SNAP29: variants seen among roughly 807,000 people sequenced by gnomAD.
SNAP29 encodes the protein synaptosomal-associated protein 29.
SNAP29 carries 13 observed loss-of-function variants against 27.9 expected under a neutral mutation model. That is an observed-to-expected ratio of 0.47 (90% CI 0.30 to 0.74). The LOEUF (loss-of-function observed/expected upper bound fraction) is 0.74. SNAP29 is among the 30% of genes least tolerant of loss of function. SNAP29 has a pLI of 0.06. For missense variants in SNAP29, 368 were observed against 336.5 expected (o/e 1.09, Z -0.73); for synonymous variants, 119 against 127.1 (o/e 0.94, Z 0.43).
rs362036 is a variant in SNAP29, at chr22:20,873,964, CAAAAAAAAAAAAAAA to C, written c.434+3446_434+3460del. Among the ~76,000 whole-genome samples, 22 of 25,978 alleles carry C rather than the reference CAAAAAAAAAAAAAAA, an allele frequency of 8.5e-4. No homozygotes were observed. The South Asian group carries it at 0.032, about 38-fold the overall frequency. 17.0% of individuals were successfully genotyped at this position (25,978 alleles called of 152,430 possible). ...CCTGGGTAACAGTGAGACTCTGTCTCAAAAAAAAAAAAAAAAAAAAAAAAAAAAAGGCCGGGCATG... is the reference window on the plus strand; with the variant it reads ...CCTGGGTAACAGTGAGACTCTGTCTCAAAAAAAAAAAAAAGGCCGGGCATG... On this transcript the variant is annotated intron_variant, in intron 2 of 4. Coordinates refer to ENST00000215730, the MANE Select transcript of SNAP29 (RefSeq NM_004782.4).
intron 1 of SNAP29, among the ~76,000 whole-genome samples, chr22:20,863,615 G>A (rs1928386018): frequency 6.6e-6 from 1 of 152,110 alleles, no homozygotes; most frequent in South Asian, 2.1e-4. Flanking sequence ...AGAACTACAG[G>A]GAGACTTGTA....
intron 1 of SNAP29, chr22:20,859,607 C>T (rs1928185274): frequency 1.8e-6 from 1 of 540,744 alleles, no homozygotes; most frequent in African/African-American, 1.9e-5. Flanking sequence ...TTACGCCTAG[C>T]TCACGGGGAA....
At chr22:20,870,010 C>G (rs561694601) in intron 1 of SNAP29, among the ~76,000 whole-genome samples, 32 of 152,098 alleles carry the variant, frequency 2.1e-4, no homozygotes, top group Non-Finnish European at 3.8e-4. Context: ...ACCTCATGAT[C>G]TGCCCGCCTC....
chr22:20,875,682 CAG>C (rs981972099), intron 2 of SNAP29, among the ~76,000 whole-genome samples: 1 of 152,208 alleles, frequency 6.6e-6, no homozygotes, highest in Non-Finnish European at 1.5e-5. Flanking sequence ...GGGCCAGACA[CAG>C]TGGCTCATGC....
chr22:20,877,156 G>T (rs1928766976), intron 2 of SNAP29, among the ~76,000 whole-genome samples: 1 of 152,180 alleles, frequency 6.6e-6, no homozygotes, highest in Non-Finnish European at 1.5e-5. Flanking sequence ...GAGCGTGGTG[G>T]CTCACGCCTA....
chr22:20,875,406 G>A (rs1158329161), intron 2 of SNAP29, among the ~76,000 whole-genome samples: 1 of 152,208 alleles, frequency 6.6e-6, no homozygotes, highest in East Asian at 1.9e-4. Flanking sequence ...GCAGTTCTGT[G>A]GGAGCAGAAG....
chr22:20,870,485 A>G lies in SNAP29; in HGVS notation c.386A>G (p.Glu129Gly). Residue 129 changes from glutamate to glycine, a missense_variant, in exon 2 of 5, where the codon GAG (glutamate) becomes GGG (glycine). Transcript: ENST00000215730. ...AATTACTTCAAATCCAAACCAGTAG[A>G]GACCCCACCTGAACAGAATGGCACC... Reference protein sequence around the residue: ...LVNYFKSKPVETPPEQNGTLT... With the variant: ...LVNYFKSKPVGTPPEQNGTLT... 6.2e-7 allele frequency: 1 copy of G among 1,614,198 alleles called. No individual in the cohort carries two copies. The highest frequency in any genetic ancestry group is 1.3e-5 in the African/African-American group (1 of 75,032).
chr22:20,876,035 C>G (rs1176375525), intron 2 of SNAP29, among the ~76,000 whole-genome samples: 5 of 151,716 alleles, frequency 3.3e-5, no homozygotes, highest in Non-Finnish European at 7.4e-5. Context: ...ATGGTGGGCA[C>G]CTGTAGTCCC....
At chr22:20,884,976 T>C (rs1601655505) in intron 4 of SNAP29, among the ~76,000 whole-genome samples, 1 of 152,124 alleles carries the variant, frequency 6.6e-6, no homozygotes, top group East Asian at 1.9e-4. Context: ...GGTTTCTCCT[T>C]GTTGGTCAGG....
rs575240461 is a variant in SNAP29 at position 20,888,311 on chromosome 22, T to TCACACA, written c.*515_*520dup. On this transcript the variant is annotated 3_prime_UTR_variant, in exon 5 of 5. Transcript: ENST00000215730. ...CACACCTTTGTTTAGGAGTCATCAT[T>TCACACA]CACACACACACACACACACACACAC... 3.6e-3 allele frequency: 622 copies of TCACACA among 174,630 alleles called. 4 individuals carry two copies. The highest frequency in any genetic ancestry group is 0.014 in the African/African-American group (406 of 29,822). The allele number at this position is 174,630 out of a possible 1,614,324, so 10.8% of individuals were successfully genotyped here. A position where few individuals can be genotyped will look rare whatever the true frequency, so the allele number is the denominator to read the frequency against.
intron 1 of SNAP29, among the ~76,000 whole-genome samples, chr22:20,864,898 A>G (rs1206612079): frequency 2.0e-5 from 3 of 152,224 alleles, no homozygotes; most frequent in South Asian, 2.1e-4. Flanking sequence ...CTTGGTTGCA[A>G]TGCCTGTCCT....
intron 2 of SNAP29, chr22:20,870,781 G>A: frequency 1.7e-6 from 1 of 575,240 alleles, no homozygotes; most frequent in Non-Finnish European, 3.1e-6. Context: ...CTTTGAAAGA[G>A]AGGGTGTTCA....
In SNAP29 at chr22:20,875,670, C is replaced by T. The variant is rs189886874; in HGVS notation, c.434+5137C>T. Reference sequence around the variant, plus strand: ...GTTGTTGGCCATTTCAAGGGCCCAGCAGGGCCAGACACAGTGGCTCATGCC... The same window carrying T: ...GTTGTTGGCCATTTCAAGGGCCCAGTAGGGCCAGACACAGTGGCTCATGCC... On this transcript the variant is annotated intron_variant, in intron 2 of 4. Coordinates refer to ENST00000215730, the MANE Select transcript of SNAP29 (RefSeq NM_004782.4). Among the ~76,000 whole-genome samples the T allele has an allele frequency of 3.6e-3, 546 of 152,324 alleles. 3 individuals carry two copies. The highest frequency in any genetic ancestry group is 6.8e-3 in the Middle Eastern group (2 of 294).
chr22:20,872,563 G>C (rs1928619901), intron 2 of SNAP29, among the ~76,000 whole-genome samples: 1 of 152,078 alleles, frequency 6.6e-6, no homozygotes, highest in South Asian at 2.1e-4. Flanking sequence ...ACCATGCCTG[G>C]CTAATTTTTT....
intron 1 of SNAP29, among the ~76,000 whole-genome samples, chr22:20,864,304 G>A (rs116939513): frequency 6.0e-4 from 91 of 152,244 alleles, no homozygotes; most frequent in Non-Finnish European, 1.1e-3. Context: ...AGCAGCCACC[G>A]CCAGCACATC....
chr22:20,870,593 A>T (rs1928568555), intron 2 of SNAP29, 60 bp downstream of exon 2: 19 of 1,501,680 alleles, frequency 1.3e-5, no homozygotes, highest in Non-Finnish European at 1.7e-5. Context: ...AGTGCAAATG[A>T]CCAAGACTTT....
chr22:20,875,119 A>G (rs1928708687), intron 2 of SNAP29, among the ~76,000 whole-genome samples: 1 of 152,084 alleles, frequency 6.6e-6, no homozygotes, highest in Non-Finnish European at 1.5e-5. Flanking sequence ...TTGGAGCATC[A>G]TGAAAACTCA....
intron 2 of SNAP29, among the ~76,000 whole-genome samples, chr22:20,874,386 CACACACACACGA>C (rs1928687502): frequency 1.1e-5 from 1 of 94,126 alleles, no homozygotes; most frequent in African/African-American, 5.0e-5. Context: ...CACACACACA[CACACACACACGA>C]AAATTAGCCG....
intron 1 of SNAP29, 49 bp downstream of exon 1, chr22:20,859,396 A>G: frequency 7.9e-7 from 1 of 1,271,070 alleles, no homozygotes; most frequent in Non-Finnish European, 1.2e-6. Flanking sequence ...CTGTGCTGTC[A>G]AACGGAGACG....
Sources: gnomAD v4.1 joint callset for allele counts (sites outside exome capture counted in the v4.1 genomes callset) on GRCh38, gnomAD v4.1.1 for gene constraint, MANE v1.5 for transcripts, NCBI Gene and HGNC (gene_info 2026-07-23, HGNC 2026-07-21) for gene names.